Variants in CYP4Z1 observed in about 807,000 individuals in gnomAD.
CYP4Z1 encodes the protein cytochrome P450 4Z1.
A neutral mutation model predicts 54.2 loss-of-function variants in CYP4Z1; 41 were observed. That is an observed-to-expected ratio of 0.76 (90% confidence interval 0.59 to 0.98). The LOEUF (loss-of-function observed/expected upper bound fraction) is 0.98. Among genes scored for constraint, CYP4Z1 ranks in the 50% least tolerant of loss-of-function variants. CYP4Z1 has a pLI of 0.00. For missense variants in CYP4Z1, 513 were observed against 599.0 expected (o/e 0.86, Z 1.50); for synonymous variants, 163 against 206.2 (o/e 0.79, Z 1.79).
At chr1:47,111,528 T>C (rs557632790) in intron 9 of CYP4Z1, among the ~76,000 whole-genome samples, 66 of 152,214 alleles carry the variant, frequency 4.3e-4, no homozygotes, top group Non-Finnish European at 4.0e-4. Context: ...AGGAAAACAG[T>C]CAAAGGCACC....
intron 9 of CYP4Z1, among the ~76,000 whole-genome samples, chr1:47,109,837 A>G (rs2148541224): frequency 6.6e-6 from 1 of 151,390 alleles, no homozygotes. Context: ...ACATTGAGTT[A>G]GAGTCATTGA....
At chr1:47,098,004 T>TG (rs1644690727) in intron 7 of CYP4Z1, among the ~76,000 whole-genome samples, 1 of 151,926 alleles carries the variant, frequency 6.6e-6, no homozygotes, top group Non-Finnish European at 1.5e-5. Flanking sequence ...TCAGTGGAGA[T>TG]GGGGGTTTCA....
At chr1:47,069,735 A>G (rs1470328913) in intron 2 of CYP4Z1, among the ~76,000 whole-genome samples, 2 of 151,096 alleles carry the variant, frequency 1.3e-5, no homozygotes, top group African/African-American at 2.5e-5. Context: ...GGTTGGTTGT[A>G]AGGGCATCTG....
intron 6 of CYP4Z1, among the ~76,000 whole-genome samples, chr1:47,093,458 C>T (rs565501953): frequency 5.3e-5 from 8 of 152,342 alleles, no homozygotes; most frequent in South Asian, 2.1e-4. Flanking sequence ...GTAATCTGCC[C>T]GGCTCCCCAA....
intron 6 of CYP4Z1, among the ~76,000 whole-genome samples, chr1:47,086,398 A>C (rs1644595023): frequency 6.6e-6 from 1 of 152,174 alleles, no homozygotes; most frequent in African/African-American, 2.4e-5. Context: ...AACTGGTGTG[A>C]GATGGTATCT....
intron 8 of CYP4Z1, among the ~76,000 whole-genome samples, chr1:47,100,588 TTG>T (rs1644714063): frequency 1.3e-5 from 2 of 152,202 alleles, no homozygotes; most frequent in Admixed American, 1.3e-4. Flanking sequence ...ATCACAGTGC[TTG>T]TGTTCAAGTA....
chr1:47,064,900 T>A (rs1416807361), upstream of CYP4Z1, among the ~76,000 whole-genome samples: 1 of 152,116 alleles, frequency 6.6e-6, no homozygotes, highest in African/African-American at 2.4e-5. Context: ...TAGCTGTTCT[T>A]ATACCAGACA....
At chr1:47,105,384 T>C (rs1366426308) in intron 8 of CYP4Z1, among the ~76,000 whole-genome samples, 1 of 152,116 alleles carries the variant, frequency 6.6e-6, no homozygotes, top group Non-Finnish European at 1.5e-5. Flanking sequence ...TGGAGTAATG[T>C]CTTCATGCAA....
At chr1:47,104,458 C>T (rs887775929) in intron 8 of CYP4Z1, among the ~76,000 whole-genome samples, 1 of 152,168 alleles carries the variant, frequency 6.6e-6, no homozygotes, top group South Asian at 2.1e-4. Flanking sequence ...CTGGAAATGG[C>T]AGTGGTGGGT....
At chr1:47,112,235 T>G (rs954749391) in intron 9 of CYP4Z1, among the ~76,000 whole-genome samples, 2 of 151,990 alleles carry the variant, frequency 1.3e-5, no homozygotes, top group African/African-American at 4.8e-5. Flanking sequence ...ATTACACAAG[T>G]GTATGCACAG....
intron 6 of CYP4Z1, among the ~76,000 whole-genome samples, chr1:47,093,662 C>T (rs902268898): frequency 6.6e-6 from 1 of 152,120 alleles, no homozygotes; most frequent in East Asian, 1.9e-4. Flanking sequence ...AACATAGGAA[C>T]TGAGGGGCTA....
upstream of CYP4Z1, among the ~76,000 whole-genome samples, chr1:47,063,738 G>A (rs1644435496): frequency 6.6e-6 from 1 of 151,920 alleles, no homozygotes; most frequent in Admixed American, 6.6e-5. Context: ...AAAAATTTGG[G>A]ACTACGTTAT....
Position 47,106,328 on chromosome 1 carries a change from C to T in CYP4Z1, c.1201+67C>T. The T allele has an allele frequency of 4.6e-6, 7 of 1,516,840 alleles. No individual in the cohort carries two copies. In the South Asian group the frequency reaches 9.0e-5, roughly 20 times the overall value. The allele number at this position is 1,516,840 out of a possible 1,614,324, so 94.0% of individuals were successfully genotyped here. On this transcript the variant is annotated intron_variant, in intron 9 of 11. Coordinates refer to ENST00000334194, the MANE Select transcript of CYP4Z1 (RefSeq NM_178134.3). Reference sequence around the variant, plus strand: ...CTGGATTGAAATGTCTTAACATACTCATGTCTTTAACAGTTATTTATCCTT... The same window carrying T: ...CTGGATTGAAATGTCTTAACATACTTATGTCTTTAACAGTTATTTATCCTT...
In CYP4Z1 at chr1:47,068,687, C is replaced by T. The variant is rs776845255; in HGVS notation, c.243C>T (p.Pro81=). ...KLMEKYPCAV[P]LWVGPFTMFF... is the part of the protein sequence containing the mutation. Reference sequence around the variant, plus strand: ...TGGAAAAATACCCATGTGCTGTTCCCTTGTGGGTTGGACCCTTTACGATGT... The same window carrying T: ...TGGAAAAATACCCATGTGCTGTTCCTTTGTGGGTTGGACCCTTTACGATGT... Residue 81 remains proline (P), a synonymous_variant, in exon 2 of 12, where the codon CCC becomes CCT. Transcript: ENST00000334194. 3.7e-5 allele frequency: 60 copies of T among 1,614,008 alleles called. No homozygotes were observed. Among genetic ancestry groups the T allele is most frequent in the Admixed American group, 3.3e-5 (2 of 59,978 alleles).
At chr1:47,072,917 G>A (rs867829789) in intron 2 of CYP4Z1, among the ~76,000 whole-genome samples, 3 of 152,092 alleles carry the variant, frequency 2.0e-5, no homozygotes, top group African/African-American at 7.3e-5. Context: ...AATAGGCATT[G>A]TCTTTTATGT....
chr1:47,104,136 A>G (rs1557632303), intron 8 of CYP4Z1, among the ~76,000 whole-genome samples: 1 of 152,174 alleles, frequency 6.6e-6, no homozygotes, highest in Non-Finnish European at 1.5e-5. Flanking sequence ...AAATGTATGC[A>G]TAGTGTTCAT....
intron 10 of CYP4Z1, 110 bp from the exon 11 acceptor site, chr1:47,116,540 G>A (rs922440895): frequency 1.5e-6 from 1 of 651,320 alleles, no homozygotes; most frequent in Non-Finnish European, 2.6e-6. Flanking sequence ...CCTAAAATTA[G>A]CTTTGGAATT....
intron 2 of CYP4Z1, among the ~76,000 whole-genome samples, chr1:47,078,113 T>A (rs937768820): frequency 2.0e-5 from 3 of 152,204 alleles, no homozygotes; most frequent in African/African-American, 7.2e-5. Flanking sequence ...TTTTCAACCA[T>A]TATTTCTTCA....
chr1:47,066,606 G>C (rs773011871), upstream of CYP4Z1, among the ~76,000 whole-genome samples: 3 of 152,124 alleles, frequency 2.0e-5, no homozygotes, highest in Non-Finnish European at 4.4e-5. Flanking sequence ...TGGAACAAGA[G>C]AAGGATGCCC....
Sources: allele counts gnomAD v4.1 joint callset (sites outside exome capture counted in the v4.1 genomes callset), GRCh38; gene constraint gnomAD v4.1.1; transcripts MANE v1.5; gene names NCBI Gene and HGNC (gene_info 2026-07-23, HGNC 2026-07-21).